The following RICTOR variants were observed in gnomAD, a reference collection of about 807,000 sequenced individuals.
The protein encoded by RICTOR is RPTOR independent companion of MTOR complex 2.
RICTOR carries 49 observed loss-of-function variants against 214.9 expected under a neutral mutation model. The ratio of observed to expected loss-of-function variants is 0.23; its 90% CI spans 0.18 to 0.29. The LOEUF (loss-of-function observed/expected upper bound fraction) is 0.29, where lower values mean the gene tolerates loss of function less well. RICTOR is among the 10% of genes least tolerant of loss of function. RICTOR has a pLI of 1.00. For synonymous variants in RICTOR, 717 were observed against 711.3 expected (o/e 1.01, Z -0.13); for missense variants, 1,625 against 2,047.0 (o/e 0.79, Z 3.98).
At chr5:39,057,203 G>A (rs1758260174) in intron 2 of RICTOR, among the ~76,000 whole-genome samples, 1 of 152,012 alleles carries the variant, frequency 6.6e-6, no homozygotes. Flanking sequence ...ATAATATATA[G>A]GATAAATTTA....
Position 38,940,130 on chromosome 5 carries a change from T to TAAAAAA in RICTOR, c.*2168_*2173dup, listed in dbSNP as rs1554057737. 5.1e-4 allele frequency: 44 copies of TAAAAAA among 86,272 alleles called. No homozygotes were observed. Among genetic ancestry groups the TAAAAAA allele is most frequent in the African/African-American group, 2.0e-3 (23 of 11,480 alleles). 5.3% of individuals were successfully genotyped at this position (86,272 alleles called of 1,614,324 possible). ...ACATACATATTTTTCAAAGTAACAGTAAAAAAAAAAAACAAAAAAAAAAAC... is the reference window on the plus strand; with the variant it reads ...ACATACATATTTTTCAAAGTAACAGTAAAAAAAAAAAAAAAAAACAAAAAAAAAAAC... On this transcript the variant is annotated 3_prime_UTR_variant, in exon 38 of 38. Transcript: ENST00000357387.
chr5:39,048,875 G>T (rs754491495), intron 2 of RICTOR, among the ~76,000 whole-genome samples: 1 of 152,022 alleles, frequency 6.6e-6, no homozygotes, highest in Non-Finnish European at 1.5e-5. Context: ...AATTTGTTAC[G>T]CATAAAGTTA....
At chr5:39,070,033 A>G (rs1344282877) in intron 2 of RICTOR, among the ~76,000 whole-genome samples, 1 of 152,230 alleles carries the variant, frequency 6.6e-6, no homozygotes. Flanking sequence ...TAAAAGGGGG[A>G]AAGAGTTTCC....
intron 2 of RICTOR, among the ~76,000 whole-genome samples, chr5:39,073,309 C>T (rs565297703): frequency 6.6e-6 from 1 of 152,240 alleles, no homozygotes; most frequent in South Asian, 2.1e-4. Context: ...AAATCTTCAA[C>T]GAGATAATGT....
At chr5:38,965,733 A>G (rs541053297) in intron 15 of RICTOR, among the ~76,000 whole-genome samples, 6 of 152,218 alleles carry the variant, frequency 3.9e-5, no homozygotes, top group African/African-American at 1.4e-4. Context: ...AAAGAAAGTT[A>G]AATTAAATTC....
chr5:38,983,162 TTG>T (rs956747019), intron 7 of RICTOR, among the ~76,000 whole-genome samples: 1 of 152,190 alleles, frequency 6.6e-6, no homozygotes, highest in Non-Finnish European at 1.5e-5. Flanking sequence ...TATAGATTAG[TTG>T]TGTCTTCTTA....
In RICTOR at chr5:38,971,912, T is replaced by C. The variant is rs771211852; in HGVS notation, c.937A>G (p.Ile313Val). ...ATATTTGGTATGCAAAGTACTCCTA[T>C]TAGAGACTGGATCCCAGAATTTCCA... ...KPGNSGIQSL[I>V]GVLCIPNMEI... Residue 313 changes from isoleucine to valine, a missense_variant, in exon 11 of 38, where the codon ATA (isoleucine) becomes GTA (valine). Ile to Val is a conservative substitution (Grantham distance 29). Coordinates refer to ENST00000357387, the MANE Select transcript of RICTOR (RefSeq NM_152756.5). 1 of 1,476,156 alleles carries C rather than the reference T, an allele frequency of 6.8e-7. No homozygotes were observed. Among genetic ancestry groups the C allele is most frequent in the African/African-American group, 1.4e-5 (1 of 72,046 alleles). The allele number at this position is 1,476,156 out of a possible 1,614,324, so 91.4% of individuals were successfully genotyped here.
chr5:39,055,972 AGGTTAAGATGTCTCCTGG>A (rs1230771225), intron 2 of RICTOR, among the ~76,000 whole-genome samples: 2 of 152,236 alleles, frequency 1.3e-5, no homozygotes, highest in East Asian at 1.9e-4. Context: ...ACAAGGAACG[AGGTTAAGATGTCTCCTGG>A]GTGTCTTATT....
At chr5:38,980,871 G>C (rs1751664963) in intron 8 of RICTOR, 1 of 151,826 alleles carries the variant, frequency 6.6e-6, no homozygotes, top group African/African-American at 2.4e-5. Flanking sequence ...GCAAAACACA[G>C]AGCCTATACA....
At chr5:39,019,968 A>G (rs1755270437) in intron 3 of RICTOR, among the ~76,000 whole-genome samples, 1 of 152,208 alleles carries the variant, frequency 6.6e-6, no homozygotes, top group Admixed American at 6.5e-5. Flanking sequence ...GTTTATTCCA[A>G]TACTCATGGA....
intron 11 of RICTOR, 150 bp from the exon 12 acceptor site, chr5:38,968,180 T>TAA (rs1172042969): frequency 1.7e-6 from 1 of 594,988 alleles, no homozygotes; most frequent in African/African-American, 1.9e-5. Flanking sequence ...TGATGGACCA[T>TAA]ATATACGATG....
intron 7 of RICTOR, among the ~76,000 whole-genome samples, chr5:38,989,000 T>A (rs920449413): frequency 1.3e-5 from 2 of 152,064 alleles, no homozygotes; most frequent in Non-Finnish European, 2.9e-5. Context: ...CTTCACAGAA[T>A]TGGAAAAAAT....
At chr5:38,991,440 CT>C (rs1165865106) in intron 6 of RICTOR, among the ~76,000 whole-genome samples, 1 of 152,070 alleles carries the variant, frequency 6.6e-6, no homozygotes, top group Non-Finnish European at 1.5e-5. Context: ...TACTACTGTA[CT>C]TTTACGATCC....
rs1009253201 is a variant in RICTOR, at chr5:38,991,018, C to T, written c.514G>A (p.Val172Ile). The T allele has an allele frequency of 1.2e-6, 2 of 1,603,786 alleles. No homozygotes were observed. The highest frequency in any genetic ancestry group is 1.1e-5 in the South Asian group (1 of 90,274). ...PSSVTNSLIA[V>I]GNDGLQERDR... The stretch of plus-strand genomic sequence containing the variant: ...CTTTCTTGAAGTCCATCATTTCCAA[C>T]TGCAATTAATGAGTTGGTCACAGAA... Residue 172 changes from valine to isoleucine, a missense_variant, in exon 7 of 38, where the codon GTT becomes ATT. Val to Ile is a conservative substitution (Grantham distance 29, BLOSUM62 3). This residue lies in a region of RICTOR where 258 missense variants were observed against 393.7 expected (regional missense o/e 0.66). Transcript: ENST00000357387.
chr5:38,946,159 T>C (rs1162411409), intron 33 of RICTOR, among the ~76,000 whole-genome samples: 2 of 152,194 alleles, frequency 1.3e-5, no homozygotes, highest in Admixed American at 6.5e-5. Context: ...CAAACAGCTA[T>C]TTCCTGGATC....
intron 19 of RICTOR, among the ~76,000 whole-genome samples, chr5:38,962,079 A>G (rs1195299020): frequency 6.6e-6 from 1 of 152,058 alleles, no homozygotes; most frequent in Non-Finnish European, 1.5e-5. Context: ...TTTTATCTCA[A>G]CTACTTCATC....
intron 31 of RICTOR, among the ~76,000 whole-genome samples, chr5:38,948,573 A>G (rs997549154): frequency 6.6e-6 from 1 of 152,212 alleles, no homozygotes; most frequent in East Asian, 1.9e-4. Context: ...TTAAAAAACA[A>G]CAATACAAAA....
At position 38,966,708 on chromosome 5, in the gene RICTOR, A is replaced by T; in HGVS notation, c.1232T>A (p.Val411Glu). 1 of 1,570,132 alleles carries T rather than the reference A, an allele frequency of 6.4e-7. No individual in the cohort carries two copies. The highest frequency in any genetic ancestry group is 8.7e-7 in the Non-Finnish European group (1 of 1,143,240). The part of the protein sequence containing the change: ...RNGLLEGLVE[V>E]ITNSDDHISV... ...GATATGATCATCACTGTTTGTTATC[A>T]CTTCAACTAGACCCTTTGAAAATAA... The change falls in exon 15 of 38, where the codon GTG becomes GAG. Residue 411 changes from valine (V) to glutamate (E), a missense_variant. Physicochemically the swap from Val to Glu is moderately radical, Grantham distance 121. Transcript: ENST00000357387.
chr5:38,968,360 A>G (rs1750410484), intron 11 of RICTOR, among the ~76,000 whole-genome samples: 1 of 152,140 alleles, frequency 6.6e-6, no homozygotes, highest in South Asian at 2.1e-4. Context: ...ATATGGAATT[A>G]TGTAAAATTA....
Sources: allele counts gnomAD v4.1 joint callset (sites outside exome capture counted in the v4.1 genomes callset), GRCh38; gene constraint gnomAD v4.1.1; regional missense constraint gnomAD v4.1.1; transcripts MANE v1.5; gene names NCBI Gene and HGNC (gene_info 2026-07-23, HGNC 2026-07-21).